The following RXFP1 variants were observed in gnomAD, a reference collection of about 807,000 sequenced individuals.
RXFP1 encodes relaxin receptor 1.
In RXFP1, 73 loss-of-function variants were observed where a neutral mutation model predicts 89.8. The ratio of observed to expected loss-of-function variants is 0.81; its 90% CI spans 0.67 to 0.99. The LOEUF is 0.99. Among genes scored for constraint, RXFP1 ranks in the 50% least tolerant of loss-of-function variants. RXFP1 has a pLI of 0.00. For synonymous variants in RXFP1, 277 were observed against 305.5 expected (o/e 0.91, Z 0.97); for missense variants, 793 against 895.5 (o/e 0.89, Z 1.46).
At chr4:158,558,800 AAG>A (rs1751856650) in intron 1 of RXFP1, among the ~76,000 whole-genome samples, 1 of 152,236 alleles carries the variant, frequency 6.6e-6, no homozygotes, top group Non-Finnish European at 1.5e-5. Context: ...GTAGACATGA[AAG>A]AGTGTAATTG....
At chr4:158,629,352 G>A (rs1311146096) in intron 11 of RXFP1, among the ~76,000 whole-genome samples, 1 of 152,114 alleles carries the variant, frequency 6.6e-6, no homozygotes, top group African/African-American at 2.4e-5. Context: ...GAAACCAAAG[G>A]ATAATCTTGT....
intron 14 of RXFP1, among the ~76,000 whole-genome samples, chr4:158,639,948 A>C (rs2150235863): frequency 6.6e-6 from 1 of 152,284 alleles, no homozygotes; most frequent in East Asian, 1.9e-4. Flanking sequence ...ATGGCCATCT[A>C]TGAAACATGT....
At chr4:158,637,776 A>AT (rs1263384408) in intron 12 of RXFP1, among the ~76,000 whole-genome samples, 1 of 152,016 alleles carries the variant, frequency 6.6e-6, no homozygotes, top group Non-Finnish European at 1.5e-5. Flanking sequence ...TGTTGCCTAT[A>AT]TTTTTGGGGC....
intron 9 of RXFP1, among the ~76,000 whole-genome samples, chr4:158,621,626 G>C (rs1765650859): frequency 6.6e-6 from 1 of 152,036 alleles, no homozygotes; most frequent in Non-Finnish European, 1.5e-5. Context: ...TGAGGTGAAA[G>C]TTTTTTAAAC....
In RXFP1 at chr4:158,617,047, A is replaced by G. The variant is rs2150148324; in HGVS notation, c.681-84A>G. On this transcript the variant is annotated intron_variant, in intron 8 of 17. Coordinates refer to ENST00000307765, the MANE Select transcript of RXFP1 (RefSeq NM_021634.4). ...CTAATTTAGTGGATTTGTGGGTTTC[A>G]TAAGAATAATAATAATACCATGTTT... The G allele has an allele frequency of 7.5e-6, 7 of 936,546 alleles. No homozygotes were observed. The South Asian group carries it at 1.0e-4, about 14-fold the overall frequency. The allele number at this position is 936,546 out of a possible 1,614,324, so 58.0% of individuals were successfully genotyped here.
intron 17 of RXFP1, among the ~76,000 whole-genome samples, chr4:158,649,580 C>T (rs995638864): frequency 2.0e-5 from 3 of 151,834 alleles, no homozygotes; most frequent in African/African-American, 7.3e-5. Flanking sequence ...CACTGCACTC[C>T]CGTCTGGGTG....
At chr4:158,533,475 T>C (rs182710645) in intron 1 of RXFP1, among the ~76,000 whole-genome samples, 30 of 152,334 alleles carry the variant, frequency 2.0e-4, no homozygotes, top group South Asian at 1.7e-3. Context: ...GATGCACTTT[T>C]TATTTGCAAA....
chr4:158,529,926 G>A (rs1434347711), intron 1 of RXFP1, among the ~76,000 whole-genome samples: 1 of 152,134 alleles, frequency 6.6e-6, no homozygotes, highest in Non-Finnish European at 1.5e-5. Context: ...ACAGCTGCCT[G>A]TTAAACATAC....
At chr4:158,644,822 A>T in intron 14 of RXFP1, 87 bp from the exon 15 acceptor site, 7 of 892,678 alleles carry the variant, frequency 7.8e-6, no homozygotes, top group Non-Finnish European at 1.2e-5. Context: ...TTTTCTTTCT[A>T]CCGATAAAAT....
chr4:158,640,889 G>A (rs1770246900), intron 14 of RXFP1, among the ~76,000 whole-genome samples: 1 of 152,232 alleles, frequency 6.6e-6, no homozygotes, highest in Admixed American at 6.5e-5. Context: ...AGCGTGCATG[G>A]ATGAAATGGT....
chr4:158,591,240 C>A (rs565818579), intron 2 of RXFP1, among the ~76,000 whole-genome samples: 1 of 152,294 alleles, frequency 6.6e-6, no homozygotes, highest in Non-Finnish European at 1.5e-5. Flanking sequence ...CAAAAGCCAC[C>A]ACAGTCTCAG....
intron 1 of RXFP1, among the ~76,000 whole-genome samples, chr4:158,531,218 T>C (rs915098052): frequency 6.6e-6 from 1 of 152,132 alleles, no homozygotes; most frequent in Admixed American, 6.5e-5. Context: ...AAAAAATTTA[T>C]AGAGAGGAGA....
At position 158,621,352 on chromosome 4, in the gene RXFP1, G is replaced by A. The variant is rs76074243; in HGVS notation, c.755+4147G>A. On this transcript the variant is annotated intron_variant, in intron 9 of 17. Coordinates refer to ENST00000307765, the MANE Select transcript of RXFP1 (RefSeq NM_021634.4). Reference sequence around the variant, plus strand: ...AACGGACAAATCCATAGATTAGATAGACAGTGGTATTCCCAAGGTGAACAC... The same window carrying A: ...AACGGACAAATCCATAGATTAGATAAACAGTGGTATTCCCAAGGTGAACAC... 5.9e-3 allele frequency among the ~76,000 whole-genome samples: 896 copies of A among 152,228 alleles called. 9 individuals carry two copies. Among genetic ancestry groups the A allele is most frequent in the African/African-American group, 0.02 (832 of 41,526 alleles).
At chr4:158,646,750 C>CTAT (rs1265500567) in intron 15 of RXFP1, 41 bp from the exon 16 acceptor site, 2 of 1,502,094 alleles carry the variant, frequency 1.3e-6, no homozygotes, top group African/African-American at 2.8e-5. Flanking sequence ...TTTATGATAC[C>CTAT]TATTTATTTC....
chr4:158,570,615 T>C (rs1257696493), intron 1 of RXFP1, among the ~76,000 whole-genome samples: 2 of 152,136 alleles, frequency 1.3e-5, no homozygotes, highest in Non-Finnish European at 2.9e-5. Flanking sequence ...ATTTGTCTAT[T>C]ACCTGGAGCA....
At chr4:158,528,623 G>T (rs1743204885) in intron 1 of RXFP1, among the ~76,000 whole-genome samples, 1 of 152,170 alleles carries the variant, frequency 6.6e-6, no homozygotes, top group Non-Finnish European at 1.5e-5. Context: ...CATCTCTAAA[G>T]ATGCAGCCCT....
At chr4:158,567,244 G>A (rs1561024624) in intron 1 of RXFP1, among the ~76,000 whole-genome samples, 1 of 152,140 alleles carries the variant, frequency 6.6e-6, no homozygotes, top group Non-Finnish European at 1.5e-5. Context: ...CCCTGCTCCA[G>A]GGCACCCAGT....
At chr4:158,618,472 C>T (rs1302915877) in intron 9 of RXFP1, among the ~76,000 whole-genome samples, 1 of 151,938 alleles carries the variant, frequency 6.6e-6, no homozygotes, top group Non-Finnish European at 1.5e-5. Context: ...AATTTTGTTA[C>T]TAAAGTTTTC....
intron 6 of RXFP1, chr4:158,610,799 T>A: frequency 1.1e-6 from 1 of 933,492 alleles, no homozygotes; most frequent in Non-Finnish European, 1.5e-6. Context: ...CCACCTGGGC[T>A]CCAGGTTTGC....
Sources: allele counts gnomAD v4.1 joint callset (sites outside exome capture counted in the v4.1 genomes callset), GRCh38; gene constraint gnomAD v4.1.1; transcripts MANE v1.5; gene names NCBI Gene and HGNC (gene_info 2026-07-23, HGNC 2026-07-21).